Variants in STOX2 observed in about 807,000 individuals in gnomAD.
The protein encoded by STOX2 is storkhead box 2.
STOX2 carries 28 observed loss-of-function variants against 60.9 expected under a neutral mutation model. That is an observed-to-expected ratio of 0.46 (90% CI 0.34 to 0.63). The LOEUF (loss-of-function observed/expected upper bound fraction) is 0.63. STOX2 is among the 30% of genes least tolerant of loss of function. The pLI is 0.01. For synonymous variants in STOX2, 472 were observed against 463.9 expected (o/e 1.02, Z -0.22); for missense variants, 1,024 against 1,187.7 (o/e 0.86, Z 2.03).
chr4:183,937,984 C>CA (rs1439753807), intron 1 of STOX2, among the ~76,000 whole-genome samples: 3 of 151,990 alleles, frequency 2.0e-5, no homozygotes, highest in South Asian at 2.1e-4. Flanking sequence ...CCCTTCTCTA[C>CA]AAAAAAATCA....
intron 1 of STOX2, among the ~76,000 whole-genome samples, chr4:183,997,505 G>A (rs1192780406): frequency 1.3e-5 from 2 of 152,220 alleles, no homozygotes; most frequent in Non-Finnish European, 2.9e-5. Context: ...GGGAAGTGGT[G>A]TGTTTTTTGT....
chr4:183,820,028 T>C (rs895110345), intron 1 of STOX2, among the ~76,000 whole-genome samples: 6 of 152,210 alleles, frequency 3.9e-5, no homozygotes, highest in African/African-American at 7.2e-5. Flanking sequence ...TCATAGTTCT[T>C]CTTTTACTCT....
intron 1 of STOX2, among the ~76,000 whole-genome samples, chr4:183,983,319 C>G (rs1732723711): frequency 6.6e-6 from 1 of 152,166 alleles, no homozygotes; most frequent in South Asian, 2.1e-4. Context: ...TCCTCTTTCC[C>G]TCTTTGCCTT....
chr4:183,832,819 A>G (rs1423327420), intron 1 of STOX2, among the ~76,000 whole-genome samples: 2 of 147,716 alleles, frequency 1.4e-5, no homozygotes, highest in African/African-American at 5.4e-5. Flanking sequence ...TACTGTCGTT[A>G]GGCTCTTCCT....
At chr4:183,804,019 G>A (rs145284446) in intron 1 of STOX2, among the ~76,000 whole-genome samples, 4 of 152,260 alleles carry the variant, frequency 2.6e-5, no homozygotes, top group African/African-American at 9.6e-5. Flanking sequence ...ATTTTTAAAT[G>A]CTGTAAAAAT....
rs535961833 is a variant in STOX2, at chr4:183,823,428, A to G, written c.364+25373A>G. ...AAACAAAAAACAAACAAACCAAAAA[A>G]CCCCCAACTATCATCTGGAGGCAAC... is the stretch of plus-strand genomic sequence containing the variant. On this transcript the variant is annotated intron_variant, in intron 1 of 2. Transcript: ENST00000513034. Among the ~76,000 whole-genome samples, 3 of 151,842 alleles carry G rather than the reference A, an allele frequency of 2.0e-5. No homozygotes were observed. In the East Asian group the frequency reaches 5.8e-4, roughly 29 times the overall value.
intron 1 of STOX2, among the ~76,000 whole-genome samples, chr4:183,970,490 C>A (rs547676833): frequency 4.3e-4 from 65 of 152,276 alleles, no homozygotes; most frequent in Non-Finnish European, 6.8e-4. Context: ...CCTGGGACCC[C>A]ATTCGGTGGC....
At chr4:183,904,682 T>C (rs1159152648), upstream of STOX2, among the ~76,000 whole-genome samples, 1 of 152,250 alleles carries the variant, frequency 6.6e-6, no homozygotes, top group East Asian at 1.9e-4. Flanking sequence ...CCACAGGTTA[T>C]AGAGGGCGGT....
At chr4:183,878,126 C>G (rs1740874563) in intron 1 of STOX2, among the ~76,000 whole-genome samples, 1 of 152,144 alleles carries the variant, frequency 6.6e-6, no homozygotes, top group Non-Finnish European at 1.5e-5. Flanking sequence ...CACTTGCTTG[C>G]TAGGAGAGGA....
chr4:183,954,715 A>C (rs1743197065), intron 1 of STOX2, among the ~76,000 whole-genome samples: 1 of 152,156 alleles, frequency 6.6e-6, no homozygotes, highest in African/African-American at 2.4e-5. Flanking sequence ...CAATTGCCTG[A>C]TCGCTTCCCC....
intron 1 of STOX2, among the ~76,000 whole-genome samples, chr4:183,975,771 G>T (rs558967682): frequency 6.6e-6 from 1 of 152,232 alleles, no homozygotes; most frequent in South Asian, 2.1e-4. Flanking sequence ...AATTCTGTAA[G>T]ATCTTTTTCA....
intron 1 of STOX2, among the ~76,000 whole-genome samples, chr4:183,924,341 G>A (rs920530389): frequency 1.3e-5 from 2 of 152,248 alleles, no homozygotes; most frequent in African/African-American, 2.4e-5. Context: ...GGCTGAGTAA[G>A]GGGGGCTGGA....
At chr4:184,008,177 AT>A (rs1733957517) in intron 2 of STOX2, among the ~76,000 whole-genome samples, 1 of 152,194 alleles carries the variant, frequency 6.6e-6, no homozygotes, top group South Asian at 2.1e-4. Flanking sequence ...TCTTCTAAGT[AT>A]TACCACCCTT....
intron 1 of STOX2, among the ~76,000 whole-genome samples, chr4:183,845,362 G>C (rs777304029): frequency 6.6e-6 from 1 of 152,194 alleles, no homozygotes; most frequent in Non-Finnish European, 1.5e-5. Context: ...GGGAAGAATG[G>C]AAATAGGAAC....
At chr4:183,993,948 G>T (rs1733223187) in intron 1 of STOX2, among the ~76,000 whole-genome samples, 1 of 152,154 alleles carries the variant, frequency 6.6e-6, no homozygotes, top group Non-Finnish European at 1.5e-5. Context: ...GGTTTTTTTA[G>T]AACAGCTTTT....
intron 1 of STOX2, among the ~76,000 whole-genome samples, chr4:183,961,680 T>C (rs1438350730): frequency 6.6e-6 from 1 of 152,256 alleles, no homozygotes; most frequent in Non-Finnish European, 1.5e-5. Context: ...ATCACCCAGA[T>C]AGTGTACACT....
At chr4:183,999,024 A>G (rs1412423556) in intron 1 of STOX2, among the ~76,000 whole-genome samples, 2 of 152,190 alleles carry the variant, frequency 1.3e-5, no homozygotes, top group African/African-American at 2.4e-5. Context: ...AGCCTGAGCC[A>G]CAGAGCCAGA....
chr4:183,962,152 C>G (rs573474821), intron 1 of STOX2, among the ~76,000 whole-genome samples: 1 of 152,198 alleles, frequency 6.6e-6, no homozygotes, highest in African/African-American at 2.4e-5. Context: ...TCATTAATGA[C>G]TCAGTTTGCA....
In STOX2 at chr4:184,009,522, C is replaced by T; in HGVS notation, c.684C>T (p.Pro228=). ...SAKDCKDPYC[P]PSLCQVPPTE... ...AGGACTGCAAAGACCCTTACTGTCC[C>T]CCTTCTCTGTGCCAGGTGCCACCCA... The change falls in exon 3 of 4, where the codon CCC becomes CCT. Residue 228 remains proline (P), a synonymous_variant. Transcript: ENST00000308497. The surrounding 1 kb of genome is among the most constrained non-coding windows in gnomAD (Gnocchi z 4.0). The T allele has an allele frequency of 6.2e-7, 1 of 1,614,024 alleles. No homozygotes were observed. Among genetic ancestry groups the T allele is most frequent in the Non-Finnish European group, 8.5e-7 (1 of 1,179,890 alleles).
Sources: gnomAD v4.1 joint callset for allele counts (sites outside exome capture counted in the v4.1 genomes callset) on GRCh38, gnomAD v4.1.1 for gene constraint, Gnocchi (gnomAD v3.1) non-coding constraint, MANE v1.5 for transcripts, NCBI Gene and HGNC (gene_info 2026-07-23, HGNC 2026-07-21) for gene names.